NCKAP1: variants seen among roughly 807,000 people sequenced by gnomAD.
The protein encoded by NCKAP1 is nck-associated protein 1.
In NCKAP1, 21 loss-of-function variants were observed where a neutral mutation model predicts 151.2. That is an observed-to-expected ratio of 0.14 (90% CI 0.10 to 0.20). NCKAP1 has a LOEUF of 0.20. Among genes scored for constraint, NCKAP1 ranks in the 10% least tolerant of loss-of-function variants. The pLI is 1.00. For missense variants in NCKAP1, 933 were observed against 1,352.1 expected (o/e 0.69, Z 4.86); for synonymous variants, 484 against 451.8 (o/e 1.07, Z -0.90).
chr2:182,955,801 T>C (rs1697312257), intron 20 of NCKAP1, among the ~76,000 whole-genome samples: 1 of 152,136 alleles, frequency 6.6e-6, no homozygotes, highest in Admixed American at 6.6e-5. Flanking sequence ...TTGTCCTTTC[T>C]TTCCCTCCCA....
intron 1 of NCKAP1, among the ~76,000 whole-genome samples, chr2:183,026,487 T>TAAAAAAAAAAAAAAAAAAAACA (rs58384257): frequency 1.1e-5 from 1 of 92,946 alleles, no homozygotes. Flanking sequence ...AACTAAAAAC[T>TAAAAAAAAAAAAAAAAAAAACA]AAAAAAAAAA....
At chr2:182,958,540 AG>A (rs1207904736) in intron 18 of NCKAP1, among the ~76,000 whole-genome samples, 4 of 152,206 alleles carry the variant, frequency 2.6e-5, no homozygotes, top group Non-Finnish European at 5.9e-5. Context: ...AGTTCAGACA[AG>A]GCATGAAAAA....
At chr2:182,956,377 T>C (rs749171675) in intron 20 of NCKAP1, 85 bp downstream of exon 20, 7 of 1,492,726 alleles carry the variant, frequency 4.7e-6, no homozygotes, top group African/African-American at 1.4e-5. Context: ...GTTCTACTAA[T>C]GCTTTTCCTT....
chr2:182,955,534 A>G lies in NCKAP1; in HGVS notation c.2153+928T>C, dbSNP rs772773873. Among the ~76,000 whole-genome samples the G allele has an allele frequency of 4.4e-4, 67 of 152,270 alleles. 1 individual carries two copies. The highest frequency in any genetic ancestry group is 6.8e-4 in the Non-Finnish European group (46 of 68,018). On this transcript the variant is annotated intron_variant, in intron 20 of 30. Transcript: ENST00000361354. ...AATATATATTCATATATAACAGGAA[A>G]TTCTAATTAGAATTGAGAATTCAAG... is the stretch of plus-strand genomic sequence containing the variant.
intron 14 of NCKAP1, among the ~76,000 whole-genome samples, chr2:182,978,513 C>G (rs1697871387): frequency 6.6e-6 from 1 of 152,104 alleles, no homozygotes; most frequent in Non-Finnish European, 1.5e-5. Flanking sequence ...CTGGCACAGA[C>G]TAAACATTTT....
At chr2:183,014,636 G>T (rs1698649985) in intron 2 of NCKAP1, among the ~76,000 whole-genome samples, 1 of 152,106 alleles carries the variant, frequency 6.6e-6, no homozygotes, top group Non-Finnish European at 1.5e-5. Flanking sequence ...AAGAATAAAA[G>T]AAAGTAAGTA....
At position 182,953,163 on chromosome 2, in the gene NCKAP1, T is replaced by C. The variant is rs1236968313; in HGVS notation, c.2322A>G (p.Gln774=). 2 of 1,613,562 alleles carry C rather than the reference T, an allele frequency of 1.2e-6. No homozygotes were observed. The highest frequency in any genetic ancestry group is 8.5e-7 in the Non-Finnish European group (1 of 1,179,584). Residue 774 remains glutamine (Q), a synonymous_variant, in exon 21 of 31, where the codon CAA becomes CAG. Transcript: ENST00000361354. ...TTGGCTCTCCATGACTGTCTAAATGTTGTGTTTGTTGAAGAAGCACATTAT... is the reference window on the plus strand; with the variant it reads ...TTGGCTCTCCATGACTGTCTAAATGCTGTGTTTGTTGAAGAAGCACATTAT... The part of the protein sequence containing the change: ...VFNNVLLQQT[Q]HLDSHGEPTI...
intron 8 of NCKAP1, among the ~76,000 whole-genome samples, chr2:182,991,618 A>C (rs1051379243): frequency 1.3e-5 from 2 of 152,094 alleles, no homozygotes; most frequent in African/African-American, 4.8e-5. Context: ...TTATTAATTA[A>C]ACTACACATC....
At chr2:182,978,736 A>G in intron 14 of NCKAP1, 98 bp downstream of exon 14, 1 of 625,198 alleles carries the variant, frequency 1.6e-6, no homozygotes, top group East Asian at 3.3e-5. Context: ...AAAAGATAAT[A>G]GATCATTAGC....
At chr2:182,942,198 G>C in intron 23 of NCKAP1, 35 bp from the exon 24 acceptor site, 1 of 1,526,288 alleles carries the variant, frequency 6.6e-7, no homozygotes, top group South Asian at 1.2e-5. Context: ...GTCAGGCACA[G>C]ACCTCTTTGT....
chr2:182,995,391 G>A (rs1698249061), intron 7 of NCKAP1, among the ~76,000 whole-genome samples: 1 of 152,008 alleles, frequency 6.6e-6, no homozygotes, highest in South Asian at 2.1e-4. Flanking sequence ...GGTTCTACTT[G>A]GTGAGATTTG....
Position 183,038,160 on chromosome 2 carries a change from T to C in NCKAP1, c.-61A>G. On this transcript the variant is annotated 5_prime_UTR_variant, in exon 1 of 31. Coordinates refer to ENST00000361354, the MANE Select transcript of NCKAP1 (RefSeq NM_013436.5). ...CGCGCCCAGTCACGGGCCCGCGGCC[T>C]TCGCAGCAGCCTCTCTCGGGCCTCC... 2 of 1,269,412 alleles carry C rather than the reference T, an allele frequency of 1.6e-6. No homozygotes were observed. Among genetic ancestry groups the C allele is most frequent in the Non-Finnish European group, 2.1e-6 (2 of 948,334 alleles). 78.6% of individuals were successfully genotyped at this position (1,269,412 alleles called of 1,614,324 possible).
chr2:182,984,500 T>G (rs757985366), intron 10 of NCKAP1, among the ~76,000 whole-genome samples: 61 of 151,502 alleles, frequency 4.0e-4, no homozygotes, highest in Non-Finnish European at 8.0e-4. Flanking sequence ...ACTAGTAATT[T>G]CGCTGTGACA....
intron 2 of NCKAP1, among the ~76,000 whole-genome samples, chr2:183,008,661 T>C (rs1194407131): frequency 6.6e-6 from 1 of 152,214 alleles, no homozygotes; most frequent in Non-Finnish European, 1.5e-5. Context: ...CTCACTTCTC[T>C]TCAGTGAGGG....
intron 2 of NCKAP1, among the ~76,000 whole-genome samples, chr2:183,009,112 G>A (rs1698537395): frequency 1.3e-5 from 2 of 152,092 alleles, no homozygotes; most frequent in South Asian, 4.1e-4. Context: ...GGAGGATCAC[G>A]CCTGCAATCC....
intron 2 of NCKAP1, among the ~76,000 whole-genome samples, chr2:183,009,485 A>AGCAG (rs1553517580): frequency 2.6e-5 from 4 of 151,904 alleles, no homozygotes; most frequent in South Asian, 4.2e-4. Flanking sequence ...GAAGCAAGCA[A>AGCAG]GCAAGCAGGC....
At chr2:182,949,305 A>C (rs575463911) in intron 23 of NCKAP1, among the ~76,000 whole-genome samples, 2 of 152,312 alleles carry the variant, frequency 1.3e-5, no homozygotes, top group East Asian at 3.9e-4. Flanking sequence ...GTAGCATGGT[A>C]CTAGCATAAT....
intron 24 of NCKAP1, among the ~76,000 whole-genome samples, chr2:182,938,126 G>A (rs1029208203): frequency 1.3e-5 from 2 of 152,220 alleles, no homozygotes; most frequent in African/African-American, 4.8e-5. Flanking sequence ...CCCAGGTGGT[G>A]CTGTTACATG....
At chr2:182,961,331 C>T (rs1205222411) in intron 18 of NCKAP1, among the ~76,000 whole-genome samples, 1 of 152,142 alleles carries the variant, frequency 6.6e-6, no homozygotes, top group African/African-American at 2.4e-5. Flanking sequence ...TGGAACCAAC[C>T]CAAAGGTCCA....
Sources: allele counts gnomAD v4.1 joint callset (sites outside exome capture counted in the v4.1 genomes callset), GRCh38; gene constraint gnomAD v4.1.1; transcripts MANE v1.5; gene names NCBI Gene and HGNC (gene_info 2026-07-23, HGNC 2026-07-21).